Variants in ENOSF1 observed in about 807,000 individuals in gnomAD.
ENOSF1 encodes the protein mitochondrial enolase superfamily member 1.
Under a neutral mutation model 68.2 loss-of-function variants are expected in ENOSF1, and 73 were observed. The observed-to-expected ratio is 1.07, with a 90% CI of 0.89 to 1.30. ENOSF1 has a LOEUF of 1.30. ENOSF1 is among the 50% of genes most tolerant of loss of function. The pLI, the probability that ENOSF1 is intolerant of heterozygous loss-of-function variation, is 0.00. For synonymous variants in ENOSF1, 223 were observed against 210.4 expected (o/e 1.06, Z -0.52); for missense variants, 589 against 554.5 (o/e 1.06, Z -0.62).
At chr18:692,108 G>A (rs1373886871) in intron 5 of ENOSF1, 2 of 152,210 alleles carry the variant, frequency 1.3e-5, no homozygotes, top group Admixed American at 6.5e-5. Context: ...CACAGTGGGT[G>A]AACCGGGAGT....
chr18:711,396 G>A (rs2079524554), intron 1 of ENOSF1, among the ~76,000 whole-genome samples: 2 of 152,156 alleles, frequency 1.3e-5, no homozygotes, highest in African/African-American at 4.8e-5. Context: ...ATGGGAATTA[G>A]AGACCTCGTG....
At chr18:699,332 C>T (rs1026340917) in intron 2 of ENOSF1, among the ~76,000 whole-genome samples, 4 of 151,846 alleles carry the variant, frequency 2.6e-5, no homozygotes, top group Non-Finnish European at 4.4e-5. Flanking sequence ...TGCGGTGGTG[C>T]GCCTGTGGTC....
chr18:688,490 TCCTTGGCTCCCTGCCAGGAGAGA>T, intron 9 of ENOSF1, 61 bp downstream of exon 9: 1 of 1,601,188 alleles, frequency 6.2e-7, no homozygotes. Context: ...TGCCTTTTAC[TCCTTGGCTCCCTGCCAGGAGAGA>T]CTTACTGCCT....
intron 5 of ENOSF1, 88 bp from the exon 6 acceptor site, chr18:691,364 G>C: frequency 9.0e-7 from 1 of 1,113,214 alleles, no homozygotes; most frequent in South Asian, 1.5e-5. Context: ...TCTTTTTTTA[G>C]AGACAAGGTC....
rs746367017 is a variant in ENOSF1 at position 697,349 on chromosome 18, C to G, written c.200G>C (p.Cys67Ser). Residue 67 changes from cysteine (C) to serine (S), a missense_variant, in exon 3 of 16, where the codon TGT becomes TCT. Coordinates refer to ENST00000647584, the MANE Select transcript of ENOSF1 (RefSeq NM_017512.7). The part of the protein sequence containing the change: ...TLGKGTEVVV[C>S]AVNALAHHVL... ...ATGGTGGGCGAGGGCATTCACAGCA[C>G]AGACAACTATTTAAAAAGGATTGAA... is the stretch of plus-strand genomic sequence containing the variant. 6.2e-7 allele frequency: 1 copy of G among 1,610,472 alleles called. No homozygotes were observed. The highest frequency in any genetic ancestry group is 1.3e-5 in the African/African-American group (1 of 74,238).
rs71174273 is a variant in ENOSF1, at chr18:700,890, C to CAAAA, written c.194-3539_194-3536dup. Among the ~76,000 whole-genome samples, 143 of 64,824 alleles carry CAAAA rather than the reference C, an allele frequency of 2.2e-3. 1 individual carries two copies. Among genetic ancestry groups the CAAAA allele is most frequent in the African/African-American group, 4.1e-3 (68 of 16,440 alleles). 42.5% of individuals were successfully genotyped at this position (64,824 alleles called of 152,430 possible). A position where few individuals can be genotyped will look rare whatever the true frequency, so the allele number is the denominator to read the frequency against. On this transcript the variant is annotated intron_variant, in intron 2 of 15. Coordinates refer to ENST00000647584, the MANE Select transcript of ENOSF1 (RefSeq NM_017512.7). The stretch of plus-strand genomic sequence containing the variant: ...GGGCGACAAGAGCGAAACTCTGCCT[C>CAAAA]AAAAAAAAAAAAAAAAAAAAAAAAC...
intron 8 of ENOSF1, 78 bp from the exon 9 acceptor site, chr18:688,686 T>C: frequency 2.3e-6 from 3 of 1,304,242 alleles, no homozygotes; most frequent in Non-Finnish European, 3.3e-6. Flanking sequence ...TGCTGATCTG[T>C]TTCACAAGCA....
chr18:667,280 G>GA (rs1343948274), downstream of ENOSF1, among the ~76,000 whole-genome samples: 58 of 10,844 alleles, frequency 5.3e-3, 2 homozygotes, highest in Non-Finnish European at 7.3e-3. Flanking sequence ...GATGGTGATG[G>GA]GATGGTGATG....
At chr18:674,512 G>C in intron 15 of ENOSF1, 106 bp from the exon 16 acceptor site, 1 of 712,018 alleles carries the variant, frequency 1.4e-6, no homozygotes, top group East Asian at 2.8e-5. Flanking sequence ...TAAGCCAGAG[G>C]CAATTAATTA....
At chr18:667,545 GGT>G (rs1453062322), downstream of ENOSF1, among the ~76,000 whole-genome samples, 1 of 90,630 alleles carries the variant, frequency 1.1e-5, no homozygotes, top group East Asian at 4.1e-4. Context: ...TGATGGTGAT[GGT>G]GATGGAGATG....
rs934146885 is a variant in ENOSF1, at chr18:693,731, G to C, written c.423+151C>G. ...ATCTGTTACGTCAGATATCAGAAAA[G>C]GAATGTCATATTTTATTGGCTTTTT... On this transcript the variant is annotated intron_variant, in intron 5 of 15. Transcript: ENST00000647584. 28 of 1,445,714 alleles carry C rather than the reference G, an allele frequency of 1.9e-5. No homozygotes were observed. The South Asian group carries it at 3.7e-4, about 19-fold the overall frequency. 89.6% of individuals were successfully genotyped at this position (1,445,714 alleles called of 1,614,324 possible).
intron 5 of ENOSF1, chr18:691,712 G>GT (rs2077193875): frequency 6.1e-6 from 1 of 163,698 alleles, no homozygotes; most frequent in African/African-American, 2.4e-5. Context: ...TTGTTAAATT[G>GT]TTTGACTCTG....
chr18:667,441 GTGATGGTGATGGTGA>G (rs1330398584), downstream of ENOSF1, among the ~76,000 whole-genome samples: 37 of 1,128 alleles, frequency 0.033, 9 homozygotes, highest in East Asian at 0.059. Context: ...GATGGTGATG[GTGATGGTGATGGTGA>G]TGATGGAGAT....
intron 2 of ENOSF1, among the ~76,000 whole-genome samples, chr18:698,667 C>T (rs1463705267): frequency 6.6e-6 from 1 of 152,168 alleles, no homozygotes; most frequent in Non-Finnish European, 1.5e-5. Context: ...GTCACCCAGC[C>T]TGGAGTGCAG....
At chr18:704,680 A>G (rs934550747) in intron 2 of ENOSF1, among the ~76,000 whole-genome samples, 4 of 144,754 alleles carry the variant, frequency 2.8e-5, no homozygotes, top group Non-Finnish European at 6.0e-5. Flanking sequence ...ATCTCGGCTC[A>G]CTGCAAACTC....
At chr18:688,178 A>G in intron 9 of ENOSF1, 2 of 165,134 alleles carry the variant, frequency 1.2e-5, no homozygotes, top group Non-Finnish European at 2.6e-5. Context: ...AAAAAAAAAA[A>G]AGAGAAGAAA....
downstream of ENOSF1, chr18:669,460 C>T (rs1454152428): frequency 2.4e-5 from 6 of 250,184 alleles, no homozygotes; most frequent in Non-Finnish European, 3.9e-5. Context: ...GTAACCTCTG[C>T]CTCCTGGGTT....
At chr18:694,939 A>G (rs2077570185) in intron 3 of ENOSF1, among the ~76,000 whole-genome samples, 1 of 152,192 alleles carries the variant, frequency 6.6e-6, no homozygotes, top group Non-Finnish European at 1.5e-5. Flanking sequence ...TAAATACATC[A>G]GTGTATAGTT....
chr18:689,593 G>C (rs374197532), intron 8 of ENOSF1, among the ~76,000 whole-genome samples: 11 of 152,234 alleles, frequency 7.2e-5, no homozygotes, highest in Middle Eastern at 3.4e-3. Context: ...AAATGATTTA[G>C]AGAGGTGAAC....
Sources: gnomAD v4.1 joint callset for allele counts (sites outside exome capture counted in the v4.1 genomes callset) on GRCh38, gnomAD v4.1.1 for gene constraint, MANE v1.5 for transcripts, NCBI Gene and HGNC (gene_info 2026-07-23, HGNC 2026-07-21) for gene names.